The following PHC2 variants were observed in gnomAD, a reference collection of about 807,000 sequenced individuals.
PHC2 encodes polyhomeotic-like protein 2.
PHC2 carries 29 observed loss-of-function variants against 87.4 expected under a neutral mutation model. That is an observed-to-expected ratio of 0.33 (90% CI 0.25 to 0.45). The LOEUF (loss-of-function observed/expected upper bound fraction) is 0.45. Ranked by LOEUF, PHC2 falls within the 20% of genes least tolerant of loss-of-function variation. PHC2 has a pLI of 1.00. For synonymous variants in PHC2, 438 were observed against 461.7 expected, an observed-to-expected ratio of 0.95 and a Z score of 0.66; for missense variants, 857 against 1,136.7, an observed-to-expected ratio of 0.75 and a Z score of 3.54.
intron 9 of PHC2, chr1:33,346,862 A>T: frequency 2.0e-6 from 2 of 985,404 alleles, no homozygotes; most frequent in Non-Finnish European, 2.4e-6. Flanking sequence ...GACACCTACG[A>T]GCACACCAGT....
chr1:33,358,844 T>G (rs1647141987), intron 7 of PHC2: 1 of 152,268 alleles, frequency 6.6e-6, no homozygotes, highest in African/African-American at 2.4e-5. Flanking sequence ...CTAGTCACCA[T>G]TCTCTGGTCT....
intron 1 of PHC2, among the ~76,000 whole-genome samples, chr1:33,410,977 A>G (rs1649959825): frequency 1.3e-5 from 2 of 152,162 alleles, no homozygotes; most frequent in South Asian, 4.1e-4. Flanking sequence ...TTATCACCCA[A>G]TGAAGAACCA....
intron 7 of PHC2, chr1:33,363,677 A>C: frequency 5.5e-6 from 5 of 903,066 alleles, no homozygotes; most frequent in Non-Finnish European, 6.6e-6. Flanking sequence ...CTTTTCAACA[A>C]CCCGACAGTT....
intron 1 of PHC2, among the ~76,000 whole-genome samples, chr1:33,412,145 C>T (rs12094959): frequency 0.19 from 29,190 of 152,076 alleles, 2,924 homozygotes; most frequent in South Asian, 0.25. Context: ...AGAAGTAAAA[C>T]TGTATTTGCA....
chr1:33,411,572 A>G (rs947500939), intron 1 of PHC2, among the ~76,000 whole-genome samples: 6 of 151,264 alleles, frequency 4.0e-5, no homozygotes, highest in Admixed American at 6.6e-5. Context: ...TTATTTTTTT[A>G]TTTTTTTGAG....
intron 7 of PHC2, chr1:33,359,201 CTGAA>C (rs5773408): frequency 0.42 from 63,123 of 151,586 alleles, 15,351 homozygotes; most frequent in African/African-American, 0.7. Flanking sequence ...ATCAATATTG[CTGAA>C]TGAATGAATG....
chr1:33,347,288 C>T (rs1256774411), intron 9 of PHC2: 13 of 985,260 alleles, frequency 1.3e-5, no homozygotes, highest in Middle Eastern at 5.2e-4. Context: ...AGAGGCTCTC[C>T]TTCCCTGAAG....
chr1:33,399,897 A>T (rs1440523228), intron 1 of PHC2, among the ~76,000 whole-genome samples: 1 of 152,194 alleles, frequency 6.6e-6, no homozygotes, highest in Non-Finnish European at 1.5e-5. Context: ...TTCCATAGAA[A>T]CTATGTTTCT....
chr1:33,404,709 T>C (rs1384765877), intron 1 of PHC2, among the ~76,000 whole-genome samples: 1 of 152,222 alleles, frequency 6.6e-6, no homozygotes, highest in East Asian at 1.9e-4. Flanking sequence ...AAGATAAAGA[T>C]CCTACTCTGA....
At position 33,368,710 on chromosome 1, in the gene PHC2, C is replaced by T. The variant is rs544571784; in HGVS notation, c.577-88G>A. 6.3e-3 allele frequency: 5,748 copies of T among 916,912 alleles called. 30 individuals carry two copies. Among genetic ancestry groups the T allele is most frequent in the Non-Finnish European group, 8.2e-3 (4,679 of 570,272 alleles). The allele number at this position is 916,912 out of a possible 1,614,324, so 56.8% of individuals were successfully genotyped here. A position where few individuals can be genotyped will look rare whatever the true frequency, so the allele number is the denominator to read the frequency against. On this transcript the variant is annotated intron_variant, in intron 5 of 14. Transcript: ENST00000683057. This position sits in a 1 kb window ranked among gnomAD's most constrained non-coding sequence, Gnocchi z 6.6. Reference sequence around the variant, plus strand: ...GGGCCTGGAATCACAGGAAACGAGGCGCCTTTTACCTGCTCGATGTGGACT... The same window carrying T: ...GGGCCTGGAATCACAGGAAACGAGGTGCCTTTTACCTGCTCGATGTGGACT...
At chr1:33,426,376 C>G (rs1174038978) in intron 1 of PHC2, among the ~76,000 whole-genome samples, 1 of 152,020 alleles carries the variant, frequency 6.6e-6, no homozygotes, top group Non-Finnish European at 1.5e-5. Context: ...AAAAAGGCAC[C>G]AGATGAGGGC....
chr1:33,368,656 C>G lies in PHC2; in HGVS notation c.577-34G>C, dbSNP rs753345714. 2 of 1,462,476 alleles carry G rather than the reference C, an allele frequency of 1.4e-6. No individual in the cohort carries two copies. Among genetic ancestry groups the G allele is most frequent in the South Asian group, 2.4e-5 (2 of 82,348 alleles). 90.6% of individuals were successfully genotyped at this position (1,462,476 alleles called of 1,614,324 possible). A position where few individuals can be genotyped will look rare whatever the true frequency, so the allele number is the denominator to read the frequency against. On this transcript the variant is annotated intron_variant, in intron 5 of 14. Coordinates refer to ENST00000683057, the MANE Select transcript of PHC2 (RefSeq NM_001385109.1). This position sits in a 1 kb window ranked among gnomAD's most constrained non-coding sequence, Gnocchi z 6.6. The stretch of plus-strand genomic sequence containing the variant: ...ACAAAGGAACAGTGCCGCCTAGGCT[C>G]CTAGCTACCTGCACCAGGTTACCTG...
rs770999295 is a variant in PHC2, at chr1:33,323,654, C to G, written c.*1211G>C. On this transcript the variant is annotated 3_prime_UTR_variant, in exon 15 of 15. Coordinates refer to ENST00000683057, the MANE Select transcript of PHC2 (RefSeq NM_001385109.1). ...ATTTTACAGATTTATTTTTAAAAAA[C>G]AAAACAAAGGTTAAAAAAGTCCTTC... is the stretch of plus-strand genomic sequence containing the variant. 3.3e-5 allele frequency: 5 copies of G among 152,390 alleles called. No individual in the cohort carries two copies. Among genetic ancestry groups the G allele is most frequent in the Non-Finnish European group, 7.4e-5 (5 of 68,008 alleles). The allele number at this position is 152,390 out of a possible 1,614,324, so 9.4% of individuals were successfully genotyped here.
At chr1:33,420,329 G>A (rs1250139568) in intron 1 of PHC2, among the ~76,000 whole-genome samples, 1 of 152,102 alleles carries the variant, frequency 6.6e-6, no homozygotes, top group Non-Finnish European at 1.5e-5. Flanking sequence ...CACAAACTTT[G>A]GGGGAGGGAA....
At chr1:33,335,986 T>A (rs1646623460) in intron 9 of PHC2, among the ~76,000 whole-genome samples, 1 of 113,344 alleles carries the variant, frequency 8.8e-6, no homozygotes, top group South Asian at 2.7e-4. Context: ...TTGTTGTTGT[T>A]GTTGTTGTTG....
intron 9 of PHC2, chr1:33,347,882 G>C (rs577511909): frequency 1.1e-4 from 22 of 201,068 alleles, no homozygotes; most frequent in Middle Eastern, 2.7e-3. Context: ...CCCAGTTCCC[G>C]CCTTGCAGGG....
chr1:33,404,349 T>C (rs1183749764), intron 1 of PHC2, among the ~76,000 whole-genome samples: 1 of 152,174 alleles, frequency 6.6e-6, no homozygotes, highest in Non-Finnish European at 1.5e-5. Flanking sequence ...TAAGTTGAAA[T>C]AAAATCTTTC....
At chr1:33,326,986 TA>T (rs1365772032) in intron 14 of PHC2, among the ~76,000 whole-genome samples, 1 of 151,826 alleles carries the variant, frequency 6.6e-6, no homozygotes, top group Non-Finnish European at 1.5e-5. Flanking sequence ...TAATATAAAA[TA>T]AAAAGGAGGA....
At position 33,414,213 on chromosome 1, in the gene PHC2, ACACAC is replaced by A. The variant is rs1348072532; in HGVS notation, c.-55+16758_-55+16762del. On this transcript the variant is annotated intron_variant, in intron 1 of 14. Coordinates refer to ENST00000683057, the MANE Select transcript of PHC2 (RefSeq NM_001385109.1). ...CACACACACACACACACACACACACACACACAAGAAAGGTTAACAGTTGAGGTTGA... is the reference window on the plus strand; with the variant it reads ...CACACACACACACACACACACACACAAAGAAAGGTTAACAGTTGAGGTTGA... Among the ~76,000 whole-genome samples the A allele has an allele frequency of 5.9e-5, 9 of 151,822 alleles. No homozygotes were observed. In the East Asian group the frequency reaches 7.7e-4, roughly 13 times the overall value.
Sources: gnomAD v4.1 joint callset for allele counts (sites outside exome capture counted in the v4.1 genomes callset) on GRCh38, gnomAD v4.1.1 for gene constraint, Gnocchi (gnomAD v3.1) non-coding constraint, MANE v1.5 for transcripts, NCBI Gene and HGNC (gene_info 2026-07-23, HGNC 2026-07-21) for gene names.